Variants in SHPRH observed in about 807,000 individuals in gnomAD.
SHPRH encodes SNF2 histone linker PHD RING helicase, also known as E3 ubiquitin-protein ligase SHPRH.
Under a neutral mutation model 202.5 loss-of-function variants are expected in SHPRH, and 106 were observed. The ratio of observed to expected loss-of-function variants is 0.52; its 90% CI spans 0.45 to 0.62. The LOEUF (loss-of-function observed/expected upper bound fraction) is 0.62. SHPRH is among the 20% of genes least tolerant of loss of function. SHPRH has a pLI of 0.00. For synonymous variants in SHPRH, 729 were observed against 686.0 expected, an observed-to-expected ratio of 1.06 and a Z score of -0.98; for missense variants, 1,710 against 2,020.0, an observed-to-expected ratio of 0.85 and a Z score of 2.94.
At chr6:145,879,215 T>C (rs1780439208) in intron 2 of SHPRH, among the ~76,000 whole-genome samples, 1 of 152,204 alleles carries the variant, frequency 6.6e-6, no homozygotes, top group Non-Finnish European at 1.5e-5. Flanking sequence ...TACTATTTAC[T>C]GAACACCCAC....
chr6:145,903,780 T>C (rs1392595039), intron 25 of SHPRH: 4 of 152,100 alleles, frequency 2.6e-5, no homozygotes, highest in African/African-American at 7.2e-5. Context: ...AAATGCTTTG[T>C]ATAAAACCTA....
At chr6:145,930,045 T>G (rs1444893177) in intron 14 of SHPRH, among the ~76,000 whole-genome samples, 1 of 152,146 alleles carries the variant, frequency 6.6e-6, no homozygotes, top group Non-Finnish European at 1.5e-5. Flanking sequence ...ATATACCATT[T>G]CACAGGGTTC....
chr6:145,882,323 G>A (rs541861854), downstream of SHPRH, among the ~76,000 whole-genome samples: 1 of 152,284 alleles, frequency 6.6e-6, no homozygotes, highest in South Asian at 2.1e-4. Flanking sequence ...ACCCTATCAT[G>A]CTGGCAGAAA....
Position 145,894,867 on chromosome 6 carries a change from T to C in SHPRH, c.4608+18A>G. 1.9e-6 allele frequency: 3 copies of C among 1,609,408 alleles called. No homozygotes were observed. Among genetic ancestry groups the C allele is most frequent in the Non-Finnish European group, 1.7e-6 (2 of 1,176,570 alleles). On this transcript the variant is annotated intron_variant, in intron 26 of 29. Transcript: ENST00000275233. ...AATCAGTTCGAATTAATATTGAGGA[T>C]GAAAATGTTGATTATACCGTTGAGA... is the stretch of plus-strand genomic sequence containing the variant.
chr6:145,955,203 G>T lies in SHPRH; in HGVS notation c.120C>A (p.Asp40Glu), dbSNP rs200191587. The T allele has an allele frequency of 6.2e-7, 1 of 1,613,476 alleles. No homozygotes were observed. Among genetic ancestry groups the T allele is most frequent in the African/African-American group, 1.3e-5 (1 of 74,856 alleles). The change falls in exon 2 of 30, where the codon GAC (aspartate) becomes GAA (glutamate). Residue 40 changes from aspartate to glutamate, a missense_variant. Coordinates refer to ENST00000275233, the MANE Select transcript of SHPRH (RefSeq NM_001042683.3). ...TATCTGAACCTGGGCAGGGCTGCTC[G>T]TCATCATCACTTATGATGATAGGTT... ...RNEPIIISDDDEQPCPGSDTS... is the reference protein window; with the variant it reads ...RNEPIIISDDEEQPCPGSDTS...
chr6:145,873,761 C>T lies in SHPRH; in HGVS notation c.222-9270G>A, dbSNP rs75326052. ...GGAGGGAGAGGATGAAGAAAAAGAA[C>T]GAAAAGTTAGAAACTATGTAGTCCC... On this transcript the variant is annotated intron_variant, in intron 2 of 2. Transcript: ENST00000417762. 1.3e-4 allele frequency among the ~76,000 whole-genome samples: 20 copies of T among 151,042 alleles called. No individual in the cohort carries two copies. The East Asian group carries it at 2.7e-3, about 21-fold the overall frequency.
chr6:145,934,885 A>G (rs747933328), intron 13 of SHPRH, 22 bp downstream of exon 13: 1 of 1,563,962 alleles, frequency 6.4e-7, no homozygotes, highest in African/African-American at 1.4e-5. Context: ...AACTGCAATT[A>G]AAAAAAAGTT....
In SHPRH at chr6:145,935,431, C is replaced by T. The variant is rs751189978; in HGVS notation, c.2580G>A (p.Gly860=). Residue 860 remains glycine (G), a synonymous_variant, in exon 12 of 30, where the codon GGG becomes GGA. Transcript: ENST00000275233. ...PVQRGLEDLF[G]LVVFLGIEPY... ...GTTCAATACCAAGAAAGACCACTAA[C>T]CCAAAAAGATCTGAAAAGAAAAAAT... is the stretch of plus-strand genomic sequence containing the variant. 1 of 1,613,420 alleles carries T rather than the reference C, an allele frequency of 6.2e-7. No individual in the cohort carries two copies. The highest frequency in any genetic ancestry group is 1.7e-5 in the Admixed American group (1 of 59,836).
intron 23 of SHPRH, among the ~76,000 whole-genome samples, chr6:145,916,787 T>A (rs1783992711): frequency 6.6e-6 from 1 of 152,130 alleles, no homozygotes; most frequent in South Asian, 2.1e-4. Context: ...TTTTTCCTGT[T>A]ATCTTTTTTT....
chr6:145,930,442 A>G (rs1333413707), intron 14 of SHPRH, among the ~76,000 whole-genome samples: 1 of 151,988 alleles, frequency 6.6e-6, no homozygotes, highest in East Asian at 1.9e-4. Flanking sequence ...TTGATATTTC[A>G]TTTTTATTCA....
At chr6:145,892,334 G>C (rs1270649617) in intron 28 of SHPRH, among the ~76,000 whole-genome samples, 1 of 152,098 alleles carries the variant, frequency 6.6e-6, no homozygotes, top group Admixed American at 6.6e-5. Flanking sequence ...TGACTCTGTA[G>C]GGCCCGAGTG....
At chr6:145,895,084 A>G in intron 25 of SHPRH, 107 bp from the exon 26 acceptor site, 1 of 935,460 alleles carries the variant, frequency 1.1e-6, no homozygotes. Flanking sequence ...TAAATGCATC[A>G]AAACAAATTA....
At chr6:145,937,068 C>G (rs970857939) in intron 11 of SHPRH, among the ~76,000 whole-genome samples, 3 of 148,106 alleles carry the variant, frequency 2.0e-5, no homozygotes, top group South Asian at 2.2e-4. Flanking sequence ...ACTGCAACTT[C>G]TGCCTCCCAG....
chr6:145,914,121 T>A (rs1783735990), intron 23 of SHPRH, among the ~76,000 whole-genome samples: 1 of 152,134 alleles, frequency 6.6e-6, no homozygotes, highest in Non-Finnish European at 1.5e-5. Context: ...AACAAACATA[T>A]GATTCCCAAG....
At chr6:145,948,496 T>TAA (rs1397129883) in intron 4 of SHPRH, 146 bp from the exon 5 acceptor site, 3 of 530,288 alleles carry the variant, frequency 5.7e-6, no homozygotes, top group Non-Finnish European at 9.7e-6. Flanking sequence ...AAAAGCCACA[T>TAA]ACTTAACACA....
intron 15 of SHPRH, 79 bp from the exon 16 acceptor site, chr6:145,926,375 C>G (rs1784880353): frequency 6.1e-6 from 7 of 1,149,712 alleles, no homozygotes; most frequent in Admixed American, 3.5e-5. Context: ...ATATGGCACA[C>G]AGAACACTAA....
At chr6:145,884,524 C>T (rs1258253326), downstream of SHPRH, 1 of 151,998 alleles carries the variant, frequency 6.6e-6, no homozygotes, top group African/African-American at 2.4e-5. Flanking sequence ...TAGCATAGCA[C>T]CCATTTAAGA....
chr6:145,903,310 T>A (rs1180405951), intron 25 of SHPRH: 1 of 151,662 alleles, frequency 6.6e-6, no homozygotes, highest in Non-Finnish European at 1.5e-5. Context: ...ATGTCACAAA[T>A]GATCTTTAAA....
chr6:145,913,585 GT>G, intron 23 of SHPRH, 36 bp from the exon 24 acceptor site: 2 of 1,541,754 alleles, frequency 1.3e-6, no homozygotes, highest in South Asian at 1.2e-5. Context: ...TATTAGTTAC[GT>G]TTTTACATAT....
Sources: gnomAD v4.1 joint callset for allele counts (sites outside exome capture counted in the v4.1 genomes callset) on GRCh38, gnomAD v4.1.1 for gene constraint, MANE v1.5 for transcripts, NCBI Gene and HGNC (gene_info 2026-07-23, HGNC 2026-07-21) for gene names.